Variants in HDAC8 observed in about 807,000 individuals in gnomAD.
The protein encoded by HDAC8 is histone deacetylase-like 1.
Under a neutral mutation model 32.2 loss-of-function variants are expected in HDAC8, and 1 was observed. The observed-to-expected ratio is 0.03, with a 90% CI of 0.01 to 0.15. HDAC8 has a LOEUF of 0.15. Ranked by LOEUF, HDAC8 falls within the 10% of genes least tolerant of loss-of-function variation. The probability of loss-of-function intolerance (pLI) is 1.00; values close to 1 mark genes in which losing one functional copy is unlikely to be tolerated. For synonymous variants in HDAC8, 108 were observed against 113.9 expected, an observed-to-expected ratio of 0.95 and a Z score of 0.33; for missense variants, 117 against 300.0, an observed-to-expected ratio of 0.39 and a Z score of 4.51.
Position 72,525,813 on chromosome X carries a change from C to CAAAAAA in HDAC8, c.438-30551_438-30546dup, listed in dbSNP as rs57801277. Among the ~76,000 whole-genome samples, 21 of 21,548 alleles carry CAAAAAA rather than the reference C, an allele frequency of 9.7e-4. 1 individual carries two copies. Among genetic ancestry groups the CAAAAAA allele is most frequent in the African/African-American group, 2.8e-3 (18 of 6,487 alleles). 18.7% of individuals were successfully genotyped at this position (21,548 alleles called of 115,157 possible). On this transcript the variant is annotated intron_variant, in intron 4 of 10. Coordinates refer to ENST00000373573, the MANE Select transcript of HDAC8 (RefSeq NM_018486.3). ...TGGGCAACAGAGCGAGACTCTGTCT[C>CAAAAAA]AAAAAAAAAAAAAAAAAAAAAAAAA...
chrX:72,395,975 G>A (rs1005215495), intron 9 of HDAC8, among the ~76,000 whole-genome samples: 8 of 111,630 alleles, frequency 7.2e-5, no homozygotes, highest in African/African-American at 2.3e-4. Flanking sequence ...CTTAAAATCA[G>A]AATCCTAGGG....
chrX:72,344,206 G>A (rs1781939947), intron 10 of HDAC8, among the ~76,000 whole-genome samples: 1 of 111,266 alleles, frequency 9.0e-6, no homozygotes, highest in African/African-American at 3.3e-5. Context: ...CTGCCAGCAT[G>A]TATTACTTTT....
chrX:72,430,437 G>C (rs1488703496), intron 9 of HDAC8, among the ~76,000 whole-genome samples: 1 of 112,398 alleles, frequency 8.9e-6, no homozygotes, highest in African/African-American at 3.2e-5. Flanking sequence ...CTTCTTTGCT[G>C]TTCCCCTTAA....
intron 7 of HDAC8, among the ~76,000 whole-genome samples, chrX:72,480,167 A>T (rs2048453599): frequency 8.9e-6 from 1 of 112,267 alleles, no homozygotes; most frequent in Non-Finnish European, 1.9e-5. Context: ...AAAGCATTTA[A>T]CACAAATACC....
intron 10 of HDAC8, 79 bp downstream of exon 10, chrX:72,351,654 T>C (rs1299322109): frequency 1.6e-5 from 10 of 643,268 alleles, no homozygotes; most frequent in Non-Finnish European, 2.5e-5. Flanking sequence ...AGGCAAATGG[T>C]ATTTAAGGAA....
chrX:72,351,223 T>C, intron 10 of HDAC8: 1 of 201,028 alleles, frequency 5.0e-6, no homozygotes, highest in Non-Finnish European at 9.1e-6. Context: ...CCTCAGCCTC[T>C]CAAGTATTTG....
In HDAC8 at chrX:72,509,397, C is replaced by T. The variant is rs782107432; in HGVS notation, c.438-14129G>A. Among the ~76,000 whole-genome samples, 7 of 111,787 alleles carry T rather than the reference C, an allele frequency of 6.3e-5. No homozygotes were observed. The South Asian group carries it at 2.6e-3, about 42-fold the overall frequency. On this transcript the variant is annotated intron_variant, in intron 4 of 10. Transcript: ENST00000373573. ...GTGCTGGGATTACAGGCGTTAGTCA[C>T]CCCGCCCGGCCTCTCTTAGCAAATT...
At chrX:72,513,189 C>G (rs932436416) in intron 4 of HDAC8, among the ~76,000 whole-genome samples, 1 of 112,139 alleles carries the variant, frequency 8.9e-6, no homozygotes, top group Non-Finnish European at 1.9e-5. Flanking sequence ...ACTTCTCAAA[C>G]TAGTTTGCAA....
At chrX:72,502,353 A>G (rs1390532624) in intron 4 of HDAC8, among the ~76,000 whole-genome samples, 1 of 112,124 alleles carries the variant, frequency 8.9e-6, no homozygotes, top group Non-Finnish European at 1.9e-5. Context: ...TCACAACAAC[A>G]AAGACTTGGA....
intron 4 of HDAC8, among the ~76,000 whole-genome samples, chrX:72,506,422 T>C (rs2049393358): frequency 9.0e-6 from 1 of 111,577 alleles, no homozygotes; most frequent in South Asian, 3.8e-4. Context: ...AGAGCAGGTG[T>C]GTGCAAAGAG....
chrX:72,525,449 T>A (rs1291792368), intron 4 of HDAC8, among the ~76,000 whole-genome samples: 1 of 110,622 alleles, frequency 9.0e-6, no homozygotes, highest in African/African-American at 3.3e-5. Flanking sequence ...ACAACCTTCT[T>A]GCCTCTTGTC....
chrX:72,436,279 T>C (rs1401958600), intron 9 of HDAC8, among the ~76,000 whole-genome samples: 3 of 111,666 alleles, frequency 2.7e-5, no homozygotes, highest in Non-Finnish European at 5.6e-5. Flanking sequence ...AATAATCAAA[T>C]GTCTGAAAAA....
intron 9 of HDAC8, 91 bp from the exon 10 acceptor site, chrX:72,351,929 T>C: frequency 1.6e-6 from 1 of 640,131 alleles, no homozygotes; most frequent in Non-Finnish European, 2.4e-6. Flanking sequence ...AAACTCATAC[T>C]ACCAACAAGG....
intron 4 of HDAC8, among the ~76,000 whole-genome samples, chrX:72,543,276 G>A (rs1556045352): frequency 1.8e-5 from 2 of 111,181 alleles, no homozygotes; most frequent in Admixed American, 9.6e-5. Context: ...TGGATGGAGG[G>A]GTATAGTGAG....
chrX:72,506,445 G>A (rs2049394006), intron 4 of HDAC8, among the ~76,000 whole-genome samples: 1 of 111,685 alleles, frequency 9.0e-6, no homozygotes, highest in South Asian at 3.8e-4. Context: ...CACATGGTGA[G>A]AGAGAAAGCA....
At chrX:72,455,348 T>G (rs1312410419) in intron 9 of HDAC8, among the ~76,000 whole-genome samples, 1 of 111,898 alleles carries the variant, frequency 8.9e-6, no homozygotes, top group African/African-American at 3.2e-5. Flanking sequence ...AAGTATTAAT[T>G]TTATTAAATC....
intron 9 of HDAC8, among the ~76,000 whole-genome samples, chrX:72,457,515 T>C (rs1296735950): frequency 8.9e-6 from 1 of 112,716 alleles, no homozygotes; most frequent in Non-Finnish European, 1.9e-5. Flanking sequence ...GGTTACATTA[T>C]TCAAGATCAA....
At chrX:72,464,097 T>G (rs1344386703) in intron 8 of HDAC8, among the ~76,000 whole-genome samples, 1 of 111,815 alleles carries the variant, frequency 8.9e-6, no homozygotes, top group Non-Finnish European at 1.9e-5. Context: ...CCATGCTTTT[T>G]GGGGGAAGAG....
intron 9 of HDAC8, among the ~76,000 whole-genome samples, chrX:72,403,441 T>C (rs782028247): frequency 1.8e-5 from 2 of 112,208 alleles, no homozygotes; most frequent in South Asian, 7.4e-4. Context: ...CTTTTTGATA[T>C]TATTGTCATA....
Sources: gnomAD v4.1 joint callset for allele counts (sites outside exome capture counted in the v4.1 genomes callset) on GRCh38, gnomAD v4.1.1 for gene constraint, MANE v1.5 for transcripts, NCBI Gene and HGNC (gene_info 2026-07-23, HGNC 2026-07-21) for gene names.